The following RAB6A variants were observed in gnomAD, a reference collection of about 807,000 sequenced individuals.
RAB6A encodes ras-related protein Rab-6A.
RAB6A carries 8 observed loss-of-function variants against 32.3 expected under a neutral mutation model. The observed-to-expected ratio is 0.25, with a 90% CI of 0.15 to 0.45. The LOEUF (loss-of-function observed/expected upper bound fraction) is 0.45, where lower values mean the gene tolerates loss of function less well. Ranked by LOEUF, RAB6A falls within the 20% of genes least tolerant of loss-of-function variation. The pLI is 1.00. For synonymous variants in RAB6A, 73 were observed against 82.1 expected (o/e 0.89, Z 0.60); for missense variants, 104 against 249.4 (o/e 0.42, Z 3.93).
intron 1 of RAB6A, among the ~76,000 whole-genome samples, chr11:73,754,378 G>A (rs1362297369): frequency 6.6e-6 from 1 of 152,198 alleles, no homozygotes; most frequent in African/African-American, 2.4e-5. Flanking sequence ...ACTCCTGGAT[G>A]TCAAAACCAT....
At chr11:73,697,271 C>A (rs953341160) in intron 6 of RAB6A, among the ~76,000 whole-genome samples, 1 of 152,110 alleles carries the variant, frequency 6.6e-6, no homozygotes, top group Non-Finnish European at 1.5e-5. Flanking sequence ...ATCAATATAT[C>A]ATAATTCCCT....
intron 1 of RAB6A, among the ~76,000 whole-genome samples, chr11:73,748,095 C>A (rs560691269): frequency 8.5e-5 from 13 of 152,282 alleles, no homozygotes; most frequent in African/African-American, 3.1e-4. Flanking sequence ...TCAAAGGGAT[C>A]TTACCTGCAG....
chr11:73,752,760 G>A (rs1946687258), intron 1 of RAB6A, among the ~76,000 whole-genome samples: 1 of 151,846 alleles, frequency 6.6e-6, no homozygotes, highest in Non-Finnish European at 1.5e-5. Flanking sequence ...ACAGGTTGCG[G>A]TGAGCTGAGA....
chr11:73,719,617 T>A (rs1590860076), intron 3 of RAB6A, among the ~76,000 whole-genome samples: 1 of 140,564 alleles, frequency 7.1e-6, no homozygotes, highest in Middle Eastern at 3.9e-3. Context: ...AGCTTTCAAA[T>A]TTTTTTTTTT....
chr11:73,721,864 A>T (rs1946136833), intron 2 of RAB6A, among the ~76,000 whole-genome samples: 1 of 152,154 alleles, frequency 6.6e-6, no homozygotes, highest in South Asian at 2.1e-4. Context: ...ACAATCAAAA[A>T]CTAGATCAGA....
At chr11:73,755,247 T>C (rs1033591194) in intron 1 of RAB6A, among the ~76,000 whole-genome samples, 1 of 151,978 alleles carries the variant, frequency 6.6e-6, no homozygotes, top group African/African-American at 2.4e-5. Flanking sequence ...TTTTTTAACA[T>C]ATTAAATATT....
At chr11:73,753,513 C>A (rs1946700233) in intron 1 of RAB6A, among the ~76,000 whole-genome samples, 1 of 151,666 alleles carries the variant, frequency 6.6e-6, no homozygotes, top group Admixed American at 6.6e-5. Context: ...AGATCGAGAC[C>A]ATCCTGGCTA....
At chr11:73,743,837 T>C (rs1946538444) in intron 1 of RAB6A, among the ~76,000 whole-genome samples, 1 of 152,176 alleles carries the variant, frequency 6.6e-6, no homozygotes, top group East Asian at 1.9e-4. Context: ...ATAAAATTGA[T>C]ATCAGATATG....
chr11:73,744,960 C>A (rs1482018489), intron 1 of RAB6A, among the ~76,000 whole-genome samples: 1 of 143,540 alleles, frequency 7.0e-6, no homozygotes, highest in Admixed American at 7.3e-5. Flanking sequence ...GGTGACAGAG[C>A]GAGAATCCAT....
At chr11:73,697,377 C>T (rs1367572676) in intron 6 of RAB6A, among the ~76,000 whole-genome samples, 2 of 152,010 alleles carry the variant, frequency 1.3e-5, no homozygotes, top group Non-Finnish European at 2.9e-5. Context: ...GTCTCCCAGA[C>T]TGGAGTGCAG....
At chr11:73,735,364 T>C (rs1354784486) in intron 1 of RAB6A, among the ~76,000 whole-genome samples, 1 of 152,184 alleles carries the variant, frequency 6.6e-6, no homozygotes, top group Non-Finnish European at 1.5e-5. Context: ...TTCCTTTTAA[T>C]GAGAACATAC....
intron 6 of RAB6A, among the ~76,000 whole-genome samples, chr11:73,706,102 T>G (rs1945837906): frequency 6.6e-6 from 1 of 152,172 alleles, no homozygotes; most frequent in African/African-American, 2.4e-5. Context: ...ACATTATGAT[T>G]CAAGGCATGG....
chr11:73,727,064 T>C (rs955659056), intron 2 of RAB6A, among the ~76,000 whole-genome samples: 1 of 152,184 alleles, frequency 6.6e-6, no homozygotes, highest in African/African-American at 2.4e-5. Flanking sequence ...AAAGAAGTGC[T>C]AAAGTATTCA....
chr11:73,708,734 C>G (rs1264008703), intron 5 of RAB6A, among the ~76,000 whole-genome samples: 2 of 152,156 alleles, frequency 1.3e-5, no homozygotes, highest in East Asian at 3.9e-4. Context: ...GCTGACAAAC[C>G]CTGCTTCCTA....
chr11:73,707,943 C>T (rs1402627068), intron 5 of RAB6A, among the ~76,000 whole-genome samples: 1 of 152,162 alleles, frequency 6.6e-6, no homozygotes, highest in Admixed American at 6.6e-5. Flanking sequence ...TGCCTCTTTC[C>T]CTTAATATCA....
intron 1 of RAB6A, chr11:73,760,225 G>C: frequency 1.3e-6 from 1 of 787,530 alleles, no homozygotes; most frequent in Non-Finnish European, 1.9e-6. Flanking sequence ...GCTCAAGAAA[G>C]GGGGCCGGGG....
chr11:73,721,015 CAT>C, intron 2 of RAB6A, 116 bp from the exon 3 acceptor site: 1 of 792,588 alleles, frequency 1.3e-6, no homozygotes, highest in Non-Finnish European at 2.1e-6. Context: ...ATCAATACAA[CAT>C]AGTCAATTAA....
At chr11:73,747,348 G>A (rs543812439) in intron 1 of RAB6A, among the ~76,000 whole-genome samples, 36 of 151,746 alleles carry the variant, frequency 2.4e-4, no homozygotes, top group South Asian at 1.0e-3. Flanking sequence ...GATTACAGGC[G>A]CCCACCAGCA....
intron 6 of RAB6A, among the ~76,000 whole-genome samples, chr11:73,703,835 C>T (rs1039812121): frequency 1.3e-5 from 2 of 151,762 alleles, no homozygotes; most frequent in Admixed American, 6.6e-5. Flanking sequence ...TTTGGGAGGC[C>T]GAGATGGATG....
Sources: allele counts gnomAD v4.1 joint callset (sites outside exome capture counted in the v4.1 genomes callset), GRCh38; gene constraint gnomAD v4.1.1; transcripts MANE v1.5; gene names NCBI Gene and HGNC (gene_info 2026-07-23, HGNC 2026-07-21).